The following PIK3R5 variants were observed in gnomAD, a reference collection of about 807,000 sequenced individuals.
PIK3R5 encodes the protein phosphoinositide-3-kinase regulatory subunit 5, also known as phosphoinositide 3-kinase regulatory subunit 5.
In PIK3R5, 32 loss-of-function variants were observed where a neutral mutation model predicts 94.9. The observed-to-expected ratio is 0.34, with a 90% CI of 0.25 to 0.45. The LOEUF (loss-of-function observed/expected upper bound fraction) is 0.45, where lower values mean the gene tolerates loss of function less well. Ranked by LOEUF, PIK3R5 falls within the 20% of genes least tolerant of loss-of-function variation. PIK3R5 has a pLI of 1.00. For synonymous variants in PIK3R5, 443 were observed against 479.4 expected, an observed-to-expected ratio of 0.92 and a Z score of 0.99; for missense variants, 853 against 1,144.6, an observed-to-expected ratio of 0.75 and a Z score of 3.68.
In PIK3R5 at chr17:8,893,992, C is replaced by A. The variant is rs1438948898; in HGVS notation, c.413-337G>T. ...TTGTGGCTCAGGTCCCGGCTCCAGG[C>A]TTGGAGGCAGCCTAGCTGGAGAGAA... On this transcript the variant is annotated intron_variant, in intron 5 of 18. Transcript: ENST00000447110. The surrounding 1 kb of genome is among the most constrained non-coding windows in gnomAD (Gnocchi z 5.1). 1 of 200,332 alleles carries A rather than the reference C, an allele frequency of 5.0e-6. No homozygotes were observed. The highest frequency in any genetic ancestry group is 2.3e-5 in the African/African-American group (1 of 43,032). 12.4% of individuals were successfully genotyped at this position (200,332 alleles called of 1,614,324 possible).
rs61759591 is a variant in PIK3R5 at position 8,904,172 on chromosome 17, C to A, written c.412+605G>T. Among the ~76,000 whole-genome samples the A allele has an allele frequency of 0.036, 5,482 of 152,260 alleles. 303 individuals carry two copies. Among genetic ancestry groups the A allele is most frequent in the African/African-American group, 0.12 (5,170 of 41,534 alleles). The stretch of plus-strand genomic sequence containing the variant: ...GCCGCTTCTCAGTAAATCACACTTG[C>A]TAAGTTTTCTCCTGCACTACTGTAG... On this transcript the variant is annotated intron_variant, in intron 5 of 18. Transcript: ENST00000447110. The surrounding 1 kb of genome is among the most constrained non-coding windows in gnomAD (Gnocchi z 5.1).
intron 5 of PIK3R5, among the ~76,000 whole-genome samples, chr17:8,902,484 C>T (rs979448093): frequency 6.6e-6 from 1 of 152,014 alleles, no homozygotes; most frequent in African/African-American, 2.4e-5. Context: ...GATCTCCAGA[C>T]CTCATGATCT....
intron 1 of PIK3R5, among the ~76,000 whole-genome samples, chr17:8,936,208 T>G (rs73253079): frequency 0.015 from 2,284 of 152,288 alleles, 59 homozygotes; most frequent in African/African-American, 0.053. Context: ...CCTCTATTAT[T>G]AATATCTTCC....
rs1472693947 is a variant in PIK3R5 at position 8,888,052 on chromosome 17, T to A, written c.1616+119A>T. On this transcript the variant is annotated intron_variant, in intron 10 of 18. Transcript: ENST00000447110. The surrounding 1 kb of genome is among the most constrained non-coding windows in gnomAD (Gnocchi z 7.8). Reference sequence around the variant, plus strand: ...AATAATAATAATAATAATAATAAAATAAAAATAAATAAGGGAACTTTTGGT... The same window carrying A: ...AATAATAATAATAATAATAATAAAAAAAAAATAAATAAGGGAACTTTTGGT... The A allele has an allele frequency of 6.8e-5, 24 of 353,638 alleles. No individual in the cohort carries two copies. Among genetic ancestry groups the A allele is most frequent in the African/African-American group, 5.1e-4 (22 of 43,354 alleles). The allele number at this position is 353,638 out of a possible 1,614,324, so 21.9% of individuals were successfully genotyped here. A position where few individuals can be genotyped will look rare whatever the true frequency, so the allele number is the denominator to read the frequency against.
chr17:8,897,954 CTGTG>C (rs2090189673), intron 5 of PIK3R5, among the ~76,000 whole-genome samples: 3 of 149,112 alleles, frequency 2.0e-5, no homozygotes, highest in Admixed American at 1.3e-4. Flanking sequence ...GTGTGTGTGT[CTGTG>C]TGTCTGTGTG....
chr17:8,949,567 G>A (rs186083011), intron 1 of PIK3R5, among the ~76,000 whole-genome samples: 15 of 152,276 alleles, frequency 9.9e-5, no homozygotes, highest in Admixed American at 2.6e-4. Context: ...TGTCGTCATC[G>A]TGAGGAACAG....
chr17:8,913,874 C>T (rs1015334468), intron 1 of PIK3R5, among the ~76,000 whole-genome samples: 4 of 152,178 alleles, frequency 2.6e-5, no homozygotes, highest in Non-Finnish European at 5.9e-5. Flanking sequence ...TAGCTCAGGT[C>T]GTGAGTCCAC....
intron 1 of PIK3R5, among the ~76,000 whole-genome samples, chr17:8,939,223 C>T (rs569536099): frequency 3.9e-5 from 6 of 152,264 alleles, no homozygotes; most frequent in African/African-American, 1.4e-4. Flanking sequence ...TCAGGCCTGC[C>T]GAACACCAAA....
rs1171001498 is a variant in PIK3R5, at chr17:8,925,042, A to G, written c.-13-13535T>C. On this transcript the variant is annotated intron_variant, in intron 1 of 18. Transcript: ENST00000447110. This position sits in a 1 kb window ranked among gnomAD's most constrained non-coding sequence, Gnocchi z 5.1. ...TGGATAGATAGATAGATAGTAGATG[A>G]ATAGATAGATAGATAGTAGATGGAT... 1.3e-5 allele frequency among the ~76,000 whole-genome samples: 2 copies of G among 151,702 alleles called. No homozygotes were observed. The highest frequency in any genetic ancestry group is 2.9e-5 in the Non-Finnish European group (2 of 67,948).
In PIK3R5 at chr17:8,911,689, G is replaced by T. The variant is rs778358427; in HGVS notation, c.-13-182C>A. On this transcript the variant is annotated intron_variant, in intron 1 of 18. Coordinates refer to ENST00000447110, the MANE Select transcript of PIK3R5 (RefSeq NM_001142633.3). This position sits in a 1 kb window ranked among gnomAD's most constrained non-coding sequence, Gnocchi z 5.3. ...CTCCAGGGTAGGAATGGCATCTGGA[G>T]GGCCACATCTGAGTGGCAGGACAGA... 1.7e-4 allele frequency: 98 copies of T among 563,440 alleles called. No homozygotes were observed. Among genetic ancestry groups the T allele is most frequent in the Non-Finnish European group, 2.3e-4 (73 of 313,342 alleles). The allele number at this position is 563,440 out of a possible 1,614,324, so 34.9% of individuals were successfully genotyped here. A position where few individuals can be genotyped will look rare whatever the true frequency, so the allele number is the denominator to read the frequency against.
chr17:8,932,205 T>C (rs1432374780), intron 1 of PIK3R5, among the ~76,000 whole-genome samples: 1 of 152,084 alleles, frequency 6.6e-6, no homozygotes, highest in Non-Finnish European at 1.5e-5. Context: ...AGTTAACAGA[T>C]GGAGAAATCT....
At chr17:8,964,999 GCC>G (rs1491391964) in intron 1 of PIK3R5, among the ~76,000 whole-genome samples, 5 of 74,828 alleles carry the variant, frequency 6.7e-5, no homozygotes, top group Non-Finnish European at 1.6e-4. Flanking sequence ...ACATGCGCAT[GCC>G]CACACACACA....
intron 1 of PIK3R5, among the ~76,000 whole-genome samples, chr17:8,962,880 C>T (rs1002182879): frequency 1.3e-5 from 2 of 152,234 alleles, no homozygotes; most frequent in Non-Finnish European, 2.9e-5. Flanking sequence ...TCTCTCCTCC[C>T]ACCCCATCTA....
At position 8,905,659 on chromosome 17, in the gene PIK3R5, G is replaced by A. The variant is rs745861082; in HGVS notation, c.273+10C>T. The stretch of plus-strand genomic sequence containing the variant: ...CCTCACCTCCAGCATCCTGGCCCAC[G>A]TGGACTTACACAAAGAACAGTGGAA... On this transcript the variant is annotated intron_variant, in intron 4 of 18. Coordinates refer to ENST00000447110, the MANE Select transcript of PIK3R5 (RefSeq NM_001142633.3). 25 of 1,589,512 alleles carry A rather than the reference G, an allele frequency of 1.6e-5. No individual in the cohort carries two copies. Among genetic ancestry groups the A allele is most frequent in the Middle Eastern group, 1.7e-4 (1 of 6,000 alleles).
intron 5 of PIK3R5, among the ~76,000 whole-genome samples, chr17:8,900,760 T>C (rs1307451488): frequency 6.6e-6 from 1 of 152,112 alleles, no homozygotes; most frequent in Non-Finnish European, 1.5e-5. Flanking sequence ...CGCCAGCACC[T>C]CCGTGGCACA....
chr17:8,886,612 C>A lies in PIK3R5; in HGVS notation c.1906-7G>T. 6.3e-7 allele frequency: 1 copy of A among 1,575,774 alleles called. No individual in the cohort carries two copies. The highest frequency in any genetic ancestry group is 1.2e-5 in the South Asian group (1 of 84,432). ...CTTCAGCCTTCAGGGACTGCTGTGGCCAGAGGGAAGGGGCAGCCAAGCCAG... is the reference window on the plus strand; with the variant it reads ...CTTCAGCCTTCAGGGACTGCTGTGGACAGAGGGAAGGGGCAGCCAAGCCAG... On this transcript the variant is annotated splice_region_variant and splice_polypyrimidine_tract_variant and intron_variant, in intron 12 of 18. Coordinates refer to ENST00000447110, the MANE Select transcript of PIK3R5 (RefSeq NM_001142633.3).
chr17:8,888,238 G>T lies in PIK3R5; in HGVS notation c.1549C>A (p.Leu517Ile). ...TCGGAGCCAAAGACCACAACACGTAGCGTGGAAGCCTTGGGATCCTCATCT... is the reference window on the plus strand; with the variant it reads ...TCGGAGCCAAAGACCACAACACGTATCGTGGAAGCCTTGGGATCCTCATCT... ...SGDEDPKAST[L>I]RVVVFGSDRI... Residue 517 changes from leucine to isoleucine, a missense_variant, in exon 10 of 19, where the codon CTA becomes ATA. Around this residue, in one of 6 missense-constraint regions of PIK3R5, gnomAD observed 319 missense variants for 339.8 expected, o/e 0.94. Coordinates refer to ENST00000447110, the MANE Select transcript of PIK3R5 (RefSeq NM_001142633.3). The surrounding 1 kb of genome is among the most constrained non-coding windows in gnomAD (Gnocchi z 7.8). 6.2e-7 allele frequency: 1 copy of T among 1,613,530 alleles called. No homozygotes were observed. The highest frequency in any genetic ancestry group is 8.5e-7 in the Non-Finnish European group (1 of 1,179,970).
chr17:8,937,294 AGT>A (rs1382006877), intron 1 of PIK3R5, among the ~76,000 whole-genome samples: 1 of 152,192 alleles, frequency 6.6e-6, no homozygotes, highest in East Asian at 1.9e-4. Context: ...GTTAAATATG[AGT>A]GGTAAGTGAA....
intron 1 of PIK3R5, among the ~76,000 whole-genome samples, chr17:8,923,774 TG>T (rs1376533049): frequency 6.6e-6 from 1 of 152,132 alleles, no homozygotes; most frequent in African/African-American, 2.4e-5. Flanking sequence ...TGAATGTAAA[TG>T]TAAAAACTCA....
Sources: allele counts gnomAD v4.1 joint callset (sites outside exome capture counted in the v4.1 genomes callset), GRCh38; gene constraint gnomAD v4.1.1; regional missense constraint gnomAD v4.1.1; non-coding constraint Gnocchi (gnomAD v3.1); transcripts MANE v1.5; gene names NCBI Gene and HGNC (gene_info 2026-07-23, HGNC 2026-07-21).